The following TTC28 variants were observed in gnomAD, a reference collection of about 807,000 sequenced individuals.
The protein encoded by TTC28 is tetratricopeptide repeat domain 28.
In TTC28, 61 loss-of-function variants were observed where a neutral mutation model predicts 198.0. The ratio of observed to expected loss-of-function variants is 0.31; its 90% confidence interval spans 0.25 to 0.38. The LOEUF (loss-of-function observed/expected upper bound fraction) is 0.38, where lower values mean the gene tolerates loss of function less well. Ranked by LOEUF, TTC28 falls within the 10% of genes least tolerant of loss-of-function variation. TTC28 has a pLI of 1.00. For synonymous variants in TTC28, 1,171 were observed against 1,297.8 expected (o/e 0.90, Z 2.10); for missense variants, 2,678 against 3,164.0 (o/e 0.85, Z 3.69).
intron 2 of TTC28, among the ~76,000 whole-genome samples, chr22:28,521,886 G>A (rs1032825318): frequency 5.3e-5 from 8 of 152,160 alleles, no homozygotes; most frequent in African/African-American, 1.9e-4. Context: ...CTAGAGCCCT[G>A]GTGAACACCC....
At chr22:28,537,343 AC>A (rs2049316868) in intron 2 of TTC28, among the ~76,000 whole-genome samples, 5 of 114,268 alleles carry the variant, frequency 4.4e-5, no homozygotes, top group Admixed American at 1.6e-4. Flanking sequence ...TAAAATAAAA[AC>A]AAGAATAGGC....
chr22:28,603,092 GAT>G (rs1359890072), intron 2 of TTC28, among the ~76,000 whole-genome samples: 1 of 151,990 alleles, frequency 6.6e-6, no homozygotes, highest in Non-Finnish European at 1.5e-5. Context: ...CGTTGGCCAG[GAT>G]GATCTCAATC....
At chr22:28,581,417 C>T (rs2050232514) in intron 2 of TTC28, among the ~76,000 whole-genome samples, 1 of 152,042 alleles carries the variant, frequency 6.6e-6, no homozygotes, top group African/African-American at 2.4e-5. Flanking sequence ...GATAATACAC[C>T]CTATAATGTC....
chr22:28,553,346 C>T (rs1005675449), intron 2 of TTC28, among the ~76,000 whole-genome samples: 10 of 151,444 alleles, frequency 6.6e-5, no homozygotes, highest in African/African-American at 2.4e-4. Flanking sequence ...GTGAGGAGCC[C>T]CTCTTCCCAG....
chr22:28,285,433 C>A (rs1244579942), intron 5 of TTC28, among the ~76,000 whole-genome samples: 1 of 152,062 alleles, frequency 6.6e-6, no homozygotes, highest in Non-Finnish European at 1.5e-5. Context: ...AGATGTTGGT[C>A]AAATAGTACA....
intron 5 of TTC28, among the ~76,000 whole-genome samples, chr22:28,277,038 A>C (rs945469812): frequency 1.3e-5 from 2 of 152,164 alleles, no homozygotes; most frequent in African/African-American, 4.8e-5. Flanking sequence ...AAAATCAGTA[A>C]AATTAATTAA....
chr22:28,224,292 C>T (rs1928118719), intron 5 of TTC28, among the ~76,000 whole-genome samples: 2 of 152,160 alleles, frequency 1.3e-5, no homozygotes, highest in Non-Finnish European at 2.9e-5. Flanking sequence ...CTGCATCCCT[C>T]ACCAACTCCC....
At chr22:28,104,612 G>A (rs116330848) in intron 8 of TTC28, among the ~76,000 whole-genome samples, 9 of 152,190 alleles carry the variant, frequency 5.9e-5, no homozygotes, top group African/African-American at 1.9e-4. Context: ...TTCTGCTTTC[G>A]GAGGAAGGAA....
intron 18 of TTC28, chr22:27,993,029 C>T (rs369773945): frequency 1.0e-4 from 57 of 569,808 alleles, no homozygotes; most frequent in African/African-American, 9.2e-4. Context: ...GCCGGCACGA[C>T]CTCCCATCAT....
intron 1 of TTC28, among the ~76,000 whole-genome samples, chr22:28,634,250 G>T (rs868726711): frequency 6.6e-6 from 1 of 152,098 alleles, no homozygotes; most frequent in Admixed American, 6.5e-5. Flanking sequence ...GGTGGCTCAC[G>T]CCTGTAATCC....
intron 5 of TTC28, among the ~76,000 whole-genome samples, chr22:28,190,381 GC>G (rs1379347804): frequency 2.0e-5 from 3 of 152,192 alleles, no homozygotes; most frequent in African/African-American, 7.2e-5. Flanking sequence ...TAGGATTTGA[GC>G]CCAGTCATTC....
At chr22:28,391,478 C>A (rs1430752676) in intron 2 of TTC28, among the ~76,000 whole-genome samples, 1 of 152,200 alleles carries the variant, frequency 6.6e-6, no homozygotes, top group South Asian at 2.1e-4. Flanking sequence ...TTCAGGTACA[C>A]CAATCAGATG....
At chr22:28,443,298 T>C (rs2047653298) in intron 2 of TTC28, among the ~76,000 whole-genome samples, 1 of 152,180 alleles carries the variant, frequency 6.6e-6, no homozygotes, top group African/African-American at 2.4e-5. Flanking sequence ...GCTTCTACCA[T>C]CCAAACCCCT....
At chr22:28,388,311 A>T (rs904706246) in intron 2 of TTC28, among the ~76,000 whole-genome samples, 15 of 152,226 alleles carry the variant, frequency 9.9e-5, no homozygotes, top group South Asian at 2.1e-4. Context: ...TGGCTTAGGA[A>T]TGACTTGGCA....
intron 14 of TTC28, among the ~76,000 whole-genome samples, chr22:28,013,725 T>C (rs1158613921): frequency 6.6e-6 from 1 of 152,022 alleles, no homozygotes; most frequent in African/African-American, 2.4e-5. Flanking sequence ...AGAAGCCCTC[T>C]GGGAAGGGCA....
intron 2 of TTC28, among the ~76,000 whole-genome samples, chr22:28,624,626 A>C (rs1429086461): frequency 3.9e-5 from 6 of 152,326 alleles, no homozygotes; most frequent in Non-Finnish European, 5.9e-5. Context: ...GTACAGATAA[A>C]GATAAATATG....
At chr22:28,509,485 G>T (rs1270516548) in intron 2 of TTC28, among the ~76,000 whole-genome samples, 3 of 152,192 alleles carry the variant, frequency 2.0e-5, no homozygotes, top group Non-Finnish European at 2.9e-5. Context: ...TGAAACTACT[G>T]AGAACAAAGA....
At chr22:28,227,057 T>C (rs973694121) in intron 5 of TTC28, among the ~76,000 whole-genome samples, 2 of 152,150 alleles carry the variant, frequency 1.3e-5, no homozygotes, top group African/African-American at 4.8e-5. Flanking sequence ...CTCAAGTAGC[T>C]GGGACTACAG....
intron 12 of TTC28, among the ~76,000 whole-genome samples, chr22:28,071,265 A>G (rs1450450463): frequency 6.6e-6 from 1 of 152,102 alleles, no homozygotes; most frequent in Non-Finnish European, 1.5e-5. Context: ...TCATGCTGCT[A>G]TAAAGACACA....
Sources: gnomAD v4.1 joint callset for allele counts (sites outside exome capture counted in the v4.1 genomes callset) on GRCh38, gnomAD v4.1.1 for gene constraint, MANE v1.5 for transcripts, NCBI Gene and HGNC (gene_info 2026-07-23, HGNC 2026-07-21) for gene names.